EPHA5: variants seen among roughly 807,000 people sequenced by gnomAD.
EPHA5 encodes EPH receptor A5, also known as ephrin type-A receptor 5.
EPHA5 carries 60 observed loss-of-function variants against 105.0 expected under a neutral mutation model. The observed-to-expected ratio is 0.57, with a 90% CI of 0.46 to 0.71. The LOEUF is 0.71. Among genes scored for constraint, EPHA5 ranks in the 30% least tolerant of loss-of-function variants. The probability of loss-of-function intolerance (pLI) is 0.00; values close to 1 mark genes in which losing one functional copy is unlikely to be tolerated. For missense variants in EPHA5, 1,218 were observed against 1,274.7 expected (o/e 0.96, Z 0.68); for synonymous variants, 513 against 449.1 (o/e 1.14, Z -1.80).
intron 8 of EPHA5, among the ~76,000 whole-genome samples, chr4:65,392,921 G>A (rs1165766122): frequency 1.3e-5 from 2 of 152,062 alleles, no homozygotes; most frequent in African/African-American, 4.8e-5. Context: ...AATACTTACT[G>A]GCCGGCAGAA....
At position 65,319,842 on chromosome 4, in the gene EPHA5, C is replaced by T. The variant is rs986420508; in HGVS notation, c.*4272G>A. The T allele has an allele frequency of 4.8e-5, 11 of 229,150 alleles. No individual in the cohort carries two copies. Among genetic ancestry groups the T allele is most frequent in the African/African-American group, 2.2e-4 (10 of 45,072 alleles). The allele number at this position is 229,150 out of a possible 1,614,324, so 14.2% of individuals were successfully genotyped here. A position where few individuals can be genotyped will look rare whatever the true frequency, so the allele number is the denominator to read the frequency against. On this transcript the variant is annotated 3_prime_UTR_variant, in exon 17 of 17. Transcript: ENST00000613740. ...GACTGAGTCTAAGTATTCTCAGGCT[C>T]TTATAAATGTAACTACTCACTTTTA...
chr4:65,487,714 C>G (rs545299745), intron 5 of EPHA5, among the ~76,000 whole-genome samples: 1 of 152,248 alleles, frequency 6.6e-6, no homozygotes, highest in Admixed American at 6.5e-5. Flanking sequence ...CTCCCCATTC[C>G]CTAGACTCCT....
rs561039232 is a variant in EPHA5 at position 65,617,314 on chromosome 4, T to A, written c.247-15010A>T. 8.0e-4 allele frequency among the ~76,000 whole-genome samples: 121 copies of A among 152,198 alleles called. 2 individuals are homozygous for A. The Middle Eastern group carries it at 0.017, about 21-fold the overall frequency. ...GATTCATTCTCTTGCCCCAATTTTG[T>A]CATTGGGGCAAACCTGTGATCAATT... On this transcript the variant is annotated intron_variant, in intron 2 of 16. Coordinates refer to ENST00000613740, the MANE Select transcript of EPHA5 (RefSeq NM_001281766.3).
chr4:65,635,708 T>A (rs1029990943), intron 2 of EPHA5, among the ~76,000 whole-genome samples: 1 of 152,154 alleles, frequency 6.6e-6, no homozygotes, highest in Non-Finnish European at 1.5e-5. Flanking sequence ...TGAAAACACT[T>A]GATAAAAATT....
At chr4:65,497,450 A>G (rs1732055158) in intron 3 of EPHA5, among the ~76,000 whole-genome samples, 1 of 152,124 alleles carries the variant, frequency 6.6e-6, no homozygotes, top group African/African-American at 2.4e-5. Context: ...TTTTGATAGT[A>G]TTAGGGACAT....
chr4:65,533,429 G>C (rs994434368), intron 3 of EPHA5, among the ~76,000 whole-genome samples: 1 of 151,922 alleles, frequency 6.6e-6, no homozygotes, highest in African/African-American at 2.4e-5. Flanking sequence ...TTAATGTATG[G>C]TTTAAAGTGA....
At chr4:65,421,066 C>G (rs1184536513) in intron 5 of EPHA5, among the ~76,000 whole-genome samples, 1 of 151,874 alleles carries the variant, frequency 6.6e-6, no homozygotes, top group African/African-American at 2.4e-5. Flanking sequence ...AAACATGCCA[C>G]CAAAGATATG....
rs140201657 is a variant in EPHA5 at position 65,508,550 on chromosome 4, A to T, written c.911-13007T>A. On this transcript the variant is annotated intron_variant, in intron 3 of 16. Coordinates refer to ENST00000613740, the MANE Select transcript of EPHA5 (RefSeq NM_001281766.3). ...AATTATATTCCCTTTCATAAAATAA[A>T]AAAGTACAATTAACTATGTGCTATT... 2.0e-3 allele frequency among the ~76,000 whole-genome samples: 312 copies of T among 152,264 alleles called. 1 individual carries two copies. The highest frequency in any genetic ancestry group is 7.0e-3 in the African/African-American group (289 of 41,582).
In EPHA5 at chr4:65,584,130, AT is replaced by A. The variant is rs532529172; in HGVS notation, c.910+17510del. On this transcript the variant is annotated intron_variant, in intron 3 of 16. Transcript: ENST00000613740. ...GTTTTTCCATTCATATACCTGAGTT[AT>A]TTTTTATCTTAAAATAATAAAATCA... Among the ~76,000 whole-genome samples, 121 of 151,800 alleles carry A rather than the reference AT, an allele frequency of 8.0e-4. 1 individual carries two copies. Among genetic ancestry groups the A allele is most frequent in the African/African-American group, 2.7e-3 (111 of 41,520 alleles).
chr4:65,502,054 G>A (rs971005938), intron 3 of EPHA5, among the ~76,000 whole-genome samples: 10 of 151,756 alleles, frequency 6.6e-5, no homozygotes, highest in Admixed American at 5.9e-4. Context: ...GCTATATGCA[G>A]AAGAATGAAA....
At chr4:65,575,008 A>G (rs1740752382) in intron 3 of EPHA5, among the ~76,000 whole-genome samples, 1 of 151,850 alleles carries the variant, frequency 6.6e-6, no homozygotes, top group South Asian at 2.1e-4. Flanking sequence ...TGTACTTTAG[A>G]TAAACACTTG....
At chr4:65,429,200 T>C (rs1163533633) in intron 5 of EPHA5, among the ~76,000 whole-genome samples, 6 of 152,054 alleles carry the variant, frequency 3.9e-5, no homozygotes, top group Admixed American at 6.6e-5. Flanking sequence ...ATCTAGCAGA[T>C]AGCGTGGTGC....
chr4:65,555,878 A>T (rs972804556), intron 3 of EPHA5, among the ~76,000 whole-genome samples: 5 of 151,872 alleles, frequency 3.3e-5, no homozygotes, highest in Non-Finnish European at 5.9e-5. Flanking sequence ...CTCTTTTTTT[A>T]TTTTCTTACA....
rs542861013 is a variant in EPHA5, at chr4:65,376,487, A to G, written c.1794-9063T>C. Among the ~76,000 whole-genome samples the G allele has an allele frequency of 2.0e-4, 31 of 152,200 alleles. 1 individual carries two copies. The South Asian group carries it at 6.2e-3, about 30-fold the overall frequency. ...GAGAATATCACTTCTGATATCTGTC[A>G]TAATTCAAGCTTAATGAAATTAGGT... is the stretch of plus-strand genomic sequence containing the variant. On this transcript the variant is annotated intron_variant, in intron 8 of 16. Transcript: ENST00000613740.
Position 65,650,453 on chromosome 4 carries a change from G to A in EPHA5, c.182-7026C>T, listed in dbSNP as rs886081272. 3.3e-5 allele frequency among the ~76,000 whole-genome samples: 5 copies of A among 151,468 alleles called. No homozygotes were observed. The East Asian group carries it at 9.7e-4, about 29-fold the overall frequency. ...CGGGCGCCCGTAGTCCCAGCTATTC[G>A]GGAGGCTGAGGCAGGAGAATGGCGT... On this transcript the variant is annotated intron_variant, in intron 1 of 16. Coordinates refer to ENST00000613740, the MANE Select transcript of EPHA5 (RefSeq NM_001281766.3).
chr4:65,640,097 GT>G (rs1403248388), intron 2 of EPHA5, among the ~76,000 whole-genome samples: 3 of 151,890 alleles, frequency 2.0e-5, no homozygotes, highest in Admixed American at 6.6e-5. Flanking sequence ...ATTTCTCATA[GT>G]TTTTTGTTAT....
chr4:65,387,893 A>C (rs532818701), intron 8 of EPHA5, among the ~76,000 whole-genome samples: 1 of 150,074 alleles, frequency 6.7e-6, no homozygotes, highest in Non-Finnish European at 1.5e-5. Flanking sequence ...TGTATACATG[A>C]GCCATGCTGG....
Position 65,355,561 on chromosome 4 carries a change from G to T in EPHA5, c.2174-2458C>A, listed in dbSNP as rs145413097. 7.9e-5 allele frequency among the ~76,000 whole-genome samples: 12 copies of T among 151,400 alleles called. No individual in the cohort carries two copies. In the Admixed American group the frequency reaches 7.9e-4, roughly 10 times the overall value. On this transcript the variant is annotated intron_variant, in intron 11 of 16. Transcript: ENST00000613740. Reference sequence around the variant, plus strand: ...CCATTTCAACCTTTTATATTCATCTGAAGTCCTGTTCTTTCAAGAATACAA... The same window carrying T: ...CCATTTCAACCTTTTATATTCATCTTAAGTCCTGTTCTTTCAAGAATACAA...
intron 3 of EPHA5, among the ~76,000 whole-genome samples, chr4:65,576,058 GAAAAGAAAAGA>G (rs1367582653): frequency 1.6e-3 from 82 of 50,748 alleles, no homozygotes; most frequent in Middle Eastern, 8.6e-3. Context: ...AAGAAAGAAA[GAAAAGAAAAGA>G]AAAGAAAAGA....
Sources: allele counts gnomAD v4.1 joint callset (sites outside exome capture counted in the v4.1 genomes callset), GRCh38; gene constraint gnomAD v4.1.1; transcripts MANE v1.5; gene names NCBI Gene and HGNC (gene_info 2026-07-23, HGNC 2026-07-21).